The following LRRC7 variants were observed in gnomAD, a reference collection of about 807,000 sequenced individuals.
The protein encoded by LRRC7 is leucine rich repeat containing 7.
A neutral mutation model predicts 175.7 loss-of-function variants in LRRC7; 23 were observed. That is an observed-to-expected ratio of 0.13 (90% CI 0.09 to 0.19). The LOEUF (loss-of-function observed/expected upper bound fraction) is 0.19. Ranked by LOEUF, LRRC7 falls within the 10% of genes least tolerant of loss-of-function variation. LRRC7 has a pLI of 1.00. For synonymous variants in LRRC7, 685 were observed against 680.9 expected, an observed-to-expected ratio of 1.01 and a Z score of -0.09; for missense variants, 1,354 against 1,904.7, an observed-to-expected ratio of 0.71 and a Z score of 5.38.
Position 69,918,622 on chromosome 1 carries a change from C to G in LRRC7, c.648-12885C>G, listed in dbSNP as rs1019431387. On this transcript the variant is annotated intron_variant, in intron 7 of 26. Coordinates refer to ENST00000651989, the MANE Select transcript of LRRC7 (RefSeq NM_001370785.2). ...CAAACTTAGAAGAGTGAAATACAGC[C>G]AATAATACTGAATGCCATCTCTGAA... Among the ~76,000 whole-genome samples, 6 of 152,084 alleles carry G rather than the reference C, an allele frequency of 3.9e-5. No homozygotes were observed. The South Asian group carries it at 1.2e-3, about 32-fold the overall frequency.
chr1:69,980,564 T>C, intron 9 of LRRC7, 111 bp downstream of exon 9: 2 of 877,558 alleles, frequency 2.3e-6, no homozygotes, highest in Non-Finnish European at 3.6e-6. Flanking sequence ...AGTAAAATAA[T>C]ACTCATTAGG....
intron 12 of LRRC7, 38 bp from the exon 13 acceptor site, chr1:70,012,936 G>A: frequency 9.4e-7 from 1 of 1,061,776 alleles, no homozygotes; most frequent in Non-Finnish European, 1.4e-6. Context: ...TAGTATTGTG[G>A]TCTGATTTTT....
intron 1 of LRRC7, among the ~76,000 whole-genome samples, chr1:69,577,914 A>G (rs566109440): frequency 1.3e-5 from 2 of 152,240 alleles, no homozygotes; most frequent in East Asian, 3.9e-4. Context: ...CAATTCTTTG[A>G]AGAAAGTCAT....
intron 1 of LRRC7, among the ~76,000 whole-genome samples, chr1:69,573,860 T>A (rs1255908079): frequency 6.6e-6 from 1 of 152,206 alleles, no homozygotes. Context: ...AGCATTGAAA[T>A]GTCTATTAAC....
intron 1 of LRRC7, among the ~76,000 whole-genome samples, chr1:69,578,043 C>T (rs1646029776): frequency 6.6e-6 from 1 of 152,124 alleles, no homozygotes; most frequent in Non-Finnish European, 1.5e-5. Context: ...ACCTACTCAT[C>T]TGACAAAGGG....
intron 1 of LRRC7, among the ~76,000 whole-genome samples, chr1:69,641,078 C>G (rs1654127118): frequency 1.3e-5 from 2 of 151,468 alleles, no homozygotes; most frequent in Non-Finnish European, 3.0e-5. Flanking sequence ...ACAAGACATC[C>G]CAGATTCTGA....
chr1:69,887,960 A>G (rs1271639667), intron 7 of LRRC7, among the ~76,000 whole-genome samples: 4 of 140,170 alleles, frequency 2.9e-5, no homozygotes, highest in Non-Finnish European at 4.6e-5. Flanking sequence ...CCACTTGAGG[A>G]GGCAGTCTGC....
Position 69,852,971 on chromosome 1 carries a change from CTATAATTGCTA to C in LRRC7, c.647+14691_647+14701del, listed in dbSNP as rs1191931209. The stretch of plus-strand genomic sequence containing the variant: ...TTGTATCAGAATGTCCATAATGCAA[CTATAATTGCTA>C]TAGGTAGCTTTTACCAAAGCTTCTG... On this transcript the variant is annotated intron_variant, in intron 7 of 26. Transcript: ENST00000651989. Among the ~76,000 whole-genome samples the C allele has an allele frequency of 2.0e-5, 3 of 152,202 alleles. No homozygotes were observed. The East Asian group carries it at 5.8e-4, about 29-fold the overall frequency.
At chr1:69,826,830 G>A (rs762073692) in intron 5 of LRRC7, among the ~76,000 whole-genome samples, 1 of 152,088 alleles carries the variant, frequency 6.6e-6, no homozygotes, top group Non-Finnish European at 1.5e-5. Context: ...AAGTTGATGG[G>A]AAATTTTATA....
chr1:69,618,400 A>T (rs1650021978), intron 1 of LRRC7, among the ~76,000 whole-genome samples: 1 of 152,164 alleles, frequency 6.6e-6, no homozygotes, highest in Non-Finnish European at 1.5e-5. Context: ...ATTCTGTTTC[A>T]GCAACTATAC....
At chr1:70,116,825 C>CT (rs1665894901) in intron 26 of LRRC7, among the ~76,000 whole-genome samples, 1 of 152,034 alleles carries the variant, frequency 6.6e-6, no homozygotes, top group African/African-American at 2.4e-5. Flanking sequence ...TGAGAGTACT[C>CT]TTATCAGATT....
chr1:69,574,775 T>A (rs1284814005), intron 1 of LRRC7, among the ~76,000 whole-genome samples: 1 of 152,098 alleles, frequency 6.6e-6, no homozygotes, highest in African/African-American at 2.4e-5. Flanking sequence ...GACCACATAT[T>A]TTGAGCACTC....
intron 24 of LRRC7, among the ~76,000 whole-genome samples, chr1:70,078,199 A>G (rs1571259362): frequency 6.6e-6 from 1 of 152,168 alleles, no homozygotes; most frequent in Non-Finnish European, 1.5e-5. Flanking sequence ...AATATATACA[A>G]ATATCATTAT....
intron 4 of LRRC7, among the ~76,000 whole-genome samples, chr1:69,816,302 C>A (rs1430159706): frequency 1.3e-5 from 2 of 152,144 alleles, no homozygotes; most frequent in African/African-American, 2.4e-5. Flanking sequence ...AATAAGGGCA[C>A]TTATCCTATT....
intron 8 of LRRC7, among the ~76,000 whole-genome samples, chr1:69,959,367 A>ACCTTGTCTCT (rs1261633742): frequency 1.6e-4 from 25 of 152,180 alleles, no homozygotes; most frequent in African/African-American, 4.6e-4. Context: ...AGACAAGGTA[A>ACCTTGTCTCT]ATTTAGCCTA....
At chr1:69,951,106 A>G (rs753069256) in intron 8 of LRRC7, among the ~76,000 whole-genome samples, 10 of 151,622 alleles carry the variant, frequency 6.6e-5, no homozygotes, top group Non-Finnish European at 1.2e-4. Flanking sequence ...AAAAAAAAAA[A>G]CCATTAAAAA....
chr1:69,636,387 A>G (rs561640522), intron 1 of LRRC7, among the ~76,000 whole-genome samples: 1 of 150,510 alleles, frequency 6.6e-6, no homozygotes, highest in Middle Eastern at 3.4e-3. Context: ...GAGTTCTACT[A>G]TCACTACAAA....
chr1:69,845,525 T>G (rs1682260831), intron 7 of LRRC7, among the ~76,000 whole-genome samples: 1 of 152,138 alleles, frequency 6.6e-6, no homozygotes, highest in South Asian at 2.1e-4. Context: ...TTTTCTTTTT[T>G]TAAAATCCTT....
chr1:69,932,034 T>C (rs1456739626), intron 8 of LRRC7, among the ~76,000 whole-genome samples: 1 of 152,246 alleles, frequency 6.6e-6, no homozygotes, highest in Admixed American at 6.5e-5. Flanking sequence ...TCTTACTATA[T>C]TGAAAGCGTC....
Sources: gnomAD v4.1 joint callset for allele counts (sites outside exome capture counted in the v4.1 genomes callset) on GRCh38, gnomAD v4.1.1 for gene constraint, MANE v1.5 for transcripts, NCBI Gene and HGNC (gene_info 2026-07-23, HGNC 2026-07-21) for gene names.